The following MPV17L variants were observed in gnomAD, a reference collection of about 807,000 sequenced individuals.
The protein encoded by MPV17L is MPV17 mitochondrial inner membrane protein like, also known as mpv17-like protein.
Under a neutral mutation model 25.8 loss-of-function variants are expected in MPV17L, and 24 were observed. The ratio of observed to expected loss-of-function variants is 0.93; its 90% confidence interval spans 0.67 to 1.31. MPV17L has a LOEUF of 1.31. Among genes scored for constraint, MPV17L ranks in the 50% most tolerant of loss-of-function variants. MPV17L has a pLI of 0.00. For synonymous variants in MPV17L, 102 were observed against 115.3 expected, an observed-to-expected ratio of 0.88 and a Z score of 0.74; for missense variants, 250 against 265.6, an observed-to-expected ratio of 0.94 and a Z score of 0.41.
In MPV17L at chr16:15,407,745, A is replaced by G. The variant is rs2050694159; in HGVS notation, c.382-79A>G. On this transcript the variant is annotated intron_variant, in intron 2 of 3. Transcript: ENST00000396385. ...CAACAGAGTGAGACCCTGTCTCAAA[A>G]AATAAAAAACAAAATAAATAAATAA... 2.8e-6 allele frequency: 4 copies of G among 1,419,296 alleles called. No homozygotes were observed. In the East Asian group the frequency reaches 1.0e-4, roughly 35 times the overall value. The allele number at this position is 1,419,296 out of a possible 1,614,324, so 87.9% of individuals were successfully genotyped here. A position where few individuals can be genotyped will look rare whatever the true frequency, so the allele number is the denominator to read the frequency against.
At chr16:15,401,076 A>ATTTTTTTT (rs2050632670) in intron 2 of MPV17L, among the ~76,000 whole-genome samples, 3 of 31,290 alleles carry the variant, frequency 9.6e-5, no homozygotes, top group African/African-American at 1.6e-4. Context: ...ATATATATAT[A>ATTTTTTTT]TATATATATA....
intron 1 of MPV17L, among the ~76,000 whole-genome samples, chr16:15,399,967 G>A (rs1161358675): frequency 6.6e-6 from 1 of 152,020 alleles, no homozygotes; most frequent in Non-Finnish European, 1.5e-5. Flanking sequence ...ACCATGCCTG[G>A]CTAATTTTGT....
chr16:15,402,560 A>C (rs1276514632), intron 2 of MPV17L, among the ~76,000 whole-genome samples: 1 of 56,400 alleles, frequency 1.8e-5, no homozygotes, highest in Admixed American at 2.0e-4. Context: ...CAGGAACAGT[A>C]ACTATAAGTG....
intron 1 of MPV17L, 36 bp from the exon 2 acceptor site, chr16:15,400,751 G>C (rs772738721): frequency 6.8e-7 from 1 of 1,476,690 alleles, no homozygotes; most frequent in Non-Finnish European, 9.2e-7. Context: ...GTACTCTACT[G>C]AATCTTTTAA....
rs552873804 is a variant in MPV17L, at chr16:15,395,936, G to C, written c.39G>C (p.Arg13=). The change falls in exon 1 of 4, where the codon CGG becomes CGC. Residue 13 remains arginine, a synonymous_variant. Coordinates refer to ENST00000396385, the MANE Select transcript of MPV17L (RefSeq NM_001128423.2). The stretch of plus-strand genomic sequence containing the variant: ...GGCCGGCGTTGTCGCGCGCGGCCCG[G>C]CGCCACCCGTGGCCCACCAACGTGC... The part of the protein sequence containing the change: ...GWWPALSRAA[R]RHPWPTNVLL... The C allele has an allele frequency of 6.8e-7, 1 of 1,466,266 alleles. No homozygotes were observed. The highest frequency in any genetic ancestry group is 1.3e-5 in the South Asian group (1 of 74,472). 90.8% of individuals were successfully genotyped at this position (1,466,266 alleles called of 1,614,324 possible). A position where few individuals can be genotyped will look rare whatever the true frequency, so the allele number is the denominator to read the frequency against.
chr16:15,396,133 C>T lies in MPV17L; in HGVS notation c.236C>T (p.Pro79Leu), dbSNP rs747824405. Reference protein sequence around the residue: ...LLERALPGRAPHALLAKLLCD... With the variant: ...LLERALPGRALHALLAKLLCD... ...GAGCGCGCGCTCCCGGGCCGAGCGC[C>T]GCACGCCCTGCTGGCCAAGTTGCTG... Residue 79 changes from proline (P) to leucine (L), a missense_variant, in exon 1 of 4, where the codon CCG becomes CTG. Transcript: ENST00000396385. The T allele has an allele frequency of 1.9e-6, 3 of 1,547,738 alleles. No homozygotes were observed. Among genetic ancestry groups the T allele is most frequent in the Non-Finnish European group, 2.6e-6 (3 of 1,147,072 alleles).
At position 15,408,934 on chromosome 16, in the gene MPV17L, A is replaced by T. The variant is rs1207794534; in HGVS notation, c.*822A>T. On this transcript the variant is annotated 3_prime_UTR_variant, in exon 4 of 4. Transcript: ENST00000396385. ...GTAGCTGGGACTACAGGCACCTGCC[A>T]CGATGCCTAGCTAATTTTTTGTATT... 4.6e-5 allele frequency: 7 copies of T among 152,164 alleles called. No homozygotes were observed. The highest frequency in any genetic ancestry group is 1.4e-4 in the African/African-American group (6 of 41,412). 9.4% of individuals were successfully genotyped at this position (152,164 alleles called of 1,614,324 possible). A position where few individuals can be genotyped will look rare whatever the true frequency, so the allele number is the denominator to read the frequency against.
At position 15,408,102 on chromosome 16, in the gene MPV17L, C is replaced by T. The variant is rs746125458; in HGVS notation, c.581C>T (p.Pro194Leu). The T allele has an allele frequency of 5.5e-5, 87 of 1,595,906 alleles. No individual in the cohort carries two copies. The highest frequency in any genetic ancestry group is 6.9e-5 in the Non-Finnish European group (81 of 1,169,724). ...TKGTSATEGYPKK is the reference protein window; with the variant it reads ...TKGTSATEGYLKK ...GGGACCAGTGCCACAGAAGGGTACC[C>T]GAAGAAATGAGAAGTCAAGGACTCT... is the stretch of plus-strand genomic sequence containing the variant. Residue 194 changes from proline to leucine, a missense_variant, in exon 4 of 4, where the codon CCG becomes CTG. Physicochemically the swap from Pro to Leu is moderately conservative, Grantham distance 98 (BLOSUM62 -3). Coordinates refer to ENST00000396385, the MANE Select transcript of MPV17L (RefSeq NM_001128423.2).
chr16:15,412,485 T>C lies in MPV17L; in HGVS notation c.*4373T>C, dbSNP rs1228195441. 6.6e-6 allele frequency: 1 copy of C among 151,582 alleles called. No individual in the cohort carries two copies. Among genetic ancestry groups the C allele is most frequent in the African/African-American group, 2.4e-5 (1 of 41,290 alleles). The allele number at this position is 151,582 out of a possible 1,614,324, so 9.4% of individuals were successfully genotyped here. A position where few individuals can be genotyped will look rare whatever the true frequency, so the allele number is the denominator to read the frequency against. On this transcript the variant is annotated 3_prime_UTR_variant, in exon 4 of 4. Transcript: ENST00000396385. ...TTAACTTTGGTATTTCAGGTTGTAT[T>C]TATATGGGGACTTCACATCAACTAT...
intron 2 of MPV17L, among the ~76,000 whole-genome samples, chr16:15,401,148 T>C (rs1458748886): frequency 6.9e-6 from 1 of 143,904 alleles, no homozygotes; most frequent in African/African-American, 2.6e-5. Context: ...GGTCTCATTC[T>C]GGCACCCAGG....
At chr16:15,407,335 A>G (rs1406260113) in intron 2 of MPV17L, among the ~76,000 whole-genome samples, 1 of 152,114 alleles carries the variant, frequency 6.6e-6, no homozygotes, top group Non-Finnish European at 1.5e-5. Flanking sequence ...TAGAGGCCTT[A>G]AGTAGTCTAA....
At chr16:15,398,759 A>C (rs2050608956) in intron 1 of MPV17L, among the ~76,000 whole-genome samples, 1 of 151,326 alleles carries the variant, frequency 6.6e-6, no homozygotes, top group African/African-American at 2.4e-5. Context: ...ACGCCTGGCT[A>C]ATTTTTGTGT....
At chr16:15,403,577 G>T (rs1314684450) in intron 2 of MPV17L, among the ~76,000 whole-genome samples, 2 of 151,432 alleles carry the variant, frequency 1.3e-5, no homozygotes, top group Non-Finnish European at 2.9e-5. Context: ...GGGAGGCTGA[G>T]ATGGGAGGAT....
rs1351186811 is a variant in MPV17L at position 15,408,123 on chromosome 16, A to G, written c.*11A>G. ...TACCCGAAGAAATGAGAAGTCAAGG[A>G]CTCTCTTAAAGGGACCACATTTTTT... is the stretch of plus-strand genomic sequence containing the variant. On this transcript the variant is annotated 3_prime_UTR_variant, in exon 4 of 4. Transcript: ENST00000396385. 6.4e-7 allele frequency: 1 copy of G among 1,569,930 alleles called. No homozygotes were observed. The highest frequency in any genetic ancestry group is 8.7e-7 in the Non-Finnish European group (1 of 1,155,034).
intron 3 of MPV17L, 29 bp downstream of exon 3, chr16:15,407,882 C>T (rs1456780196): frequency 6.2e-7 from 1 of 1,612,592 alleles, no homozygotes; most frequent in African/African-American, 1.3e-5. Context: ...GTAATATGAA[C>T]TCAGGGCTTT....
chr16:15,407,755 CAAAAT>C (rs2050694291), intron 2 of MPV17L, 64 bp from the exon 3 acceptor site: 1 of 1,453,988 alleles, frequency 6.9e-7, no homozygotes, highest in Non-Finnish European at 9.4e-7. Flanking sequence ...AAATAAAAAA[CAAAAT>C]AAATAAATAA....
rs567917826 is a variant in MPV17L, at chr16:15,397,166, A to G, written c.310+959A>G. 1.1e-4 allele frequency among the ~76,000 whole-genome samples: 17 copies of G among 152,232 alleles called. No individual in the cohort carries two copies. In the East Asian group the frequency reaches 2.9e-3, roughly 26 times the overall value. ...AGAGAAAGAGACAGGAGGGTTTTATAAGGTGATGGAGAAAGGAGAGGGTGC... is the reference window on the plus strand; with the variant it reads ...AGAGAAAGAGACAGGAGGGTTTTATGAGGTGATGGAGAAAGGAGAGGGTGC... On this transcript the variant is annotated intron_variant, in intron 1 of 3. Transcript: ENST00000396385.
intron 2 of MPV17L, among the ~76,000 whole-genome samples, chr16:15,407,525 T>G (rs2050691540): frequency 6.6e-6 from 1 of 151,966 alleles, no homozygotes; most frequent in Non-Finnish European, 1.5e-5. Context: ...GTGGATCACC[T>G]GAGGTCGGGA....
Position 15,397,269 on chromosome 16 carries a change from C to T in MPV17L, c.310+1062C>T, listed in dbSNP as rs575419569. 5.3e-5 allele frequency among the ~76,000 whole-genome samples: 8 copies of T among 152,210 alleles called. No individual in the cohort carries two copies. In the South Asian group the frequency reaches 1.7e-3, roughly 32 times the overall value. On this transcript the variant is annotated intron_variant, in intron 1 of 3. Coordinates refer to ENST00000396385, the MANE Select transcript of MPV17L (RefSeq NM_001128423.2). ...CTGCATAGGTTGCATAGGTTATAGT[C>T]GTGAAGCTATAGCTTCTCCCGGGGT... is the stretch of plus-strand genomic sequence containing the variant.
Sources: gnomAD v4.1 joint callset for allele counts (sites outside exome capture counted in the v4.1 genomes callset) on GRCh38, gnomAD v4.1.1 for gene constraint, MANE v1.5 for transcripts, NCBI Gene and HGNC (gene_info 2026-07-23, HGNC 2026-07-21) for gene names.